RPTOR: variants seen among roughly 807,000 people sequenced by gnomAD.
RPTOR encodes regulatory-associated protein of mTOR.
Under a neutral mutation model 169.9 loss-of-function variants are expected in RPTOR, and 21 were observed. The observed-to-expected ratio is 0.12, with a 90% CI of 0.09 to 0.18. The LOEUF (loss-of-function observed/expected upper bound fraction) is 0.18, where lower values mean the gene tolerates loss of function less well. RPTOR is among the 10% of genes least tolerant of loss of function. RPTOR has a pLI of 1.00. For synonymous variants in RPTOR, 732 were observed against 753.2 expected, an observed-to-expected ratio of 0.97 and a Z score of 0.46; for missense variants, 1,133 against 1,855.9, an observed-to-expected ratio of 0.61 and a Z score of 7.16.
chr17:80,607,395 T>C (rs975118470), intron 1 of RPTOR, among the ~76,000 whole-genome samples: 1 of 152,188 alleles, frequency 6.6e-6, no homozygotes, highest in Non-Finnish European at 1.5e-5. Context: ...CATGTATCAA[T>C]CGTTTTCAGA....
rs540995815 is a variant in RPTOR, at chr17:80,743,520, C to G, written c.655-10490C>G. ...GCGCGTTCGGAGTGCTGGGCATTGC[C>G]AGGTCTGAAAGAGGTCATCAGTTCT... On this transcript the variant is annotated intron_variant, in intron 5 of 33. Transcript: ENST00000306801. The G allele has an allele frequency of 1.3e-5, 12 of 916,892 alleles. No individual in the cohort carries two copies. The African/African-American group carries it at 1.8e-4, about 14-fold the overall frequency. 56.8% of individuals were successfully genotyped at this position (916,892 alleles called of 1,614,324 possible).
Position 80,661,736 on chromosome 17 carries a change from G to A in RPTOR, c.348+17926G>A, listed in dbSNP as rs571486599. Among the ~76,000 whole-genome samples, 10 of 151,950 alleles carry A rather than the reference G, an allele frequency of 6.6e-5. No homozygotes were observed. The South Asian group carries it at 1.5e-3, about 22-fold the overall frequency. Reference sequence around the variant, plus strand: ...TTTCTTAGTGGGTTCTTAGGATGGCGCATGAGAGAGTTGCTCTTTATTGCC... The same window carrying A: ...TTTCTTAGTGGGTTCTTAGGATGGCACATGAGAGAGTTGCTCTTTATTGCC... On this transcript the variant is annotated intron_variant, in intron 3 of 33. Coordinates refer to ENST00000306801, the MANE Select transcript of RPTOR (RefSeq NM_020761.3).
At chr17:80,611,022 C>T (rs1238883348) in intron 1 of RPTOR, among the ~76,000 whole-genome samples, 2 of 152,144 alleles carry the variant, frequency 1.3e-5, no homozygotes, top group Non-Finnish European at 2.9e-5. Flanking sequence ...TAATTTCAAG[C>T]AATAGATTGC....
intron 28 of RPTOR, among the ~76,000 whole-genome samples, chr17:80,956,467 GT>G (rs771272100): frequency 1.1e-4 from 16 of 152,256 alleles, no homozygotes; most frequent in Non-Finnish European, 1.9e-4. Context: ...GACGCCAGCC[GT>G]CGGGAGTCAG....
chr17:80,674,907 T>C (rs959347892), intron 3 of RPTOR, among the ~76,000 whole-genome samples: 1 of 150,510 alleles, frequency 6.6e-6, no homozygotes. Context: ...TGATCAAATA[T>C]ACACTAAGAA....
intron 7 of RPTOR, among the ~76,000 whole-genome samples, chr17:80,816,356 C>T (rs917323136): frequency 6.6e-6 from 1 of 152,168 alleles, no homozygotes; most frequent in African/African-American, 2.4e-5. Context: ...CAGCTGAGGG[C>T]CTGGGGCCTC....
chr17:80,637,285 C>T (rs575823045), intron 2 of RPTOR, among the ~76,000 whole-genome samples: 1 of 152,346 alleles, frequency 6.6e-6, no homozygotes, highest in Admixed American at 6.5e-5. Context: ...TCATGGCCTC[C>T]CTGCTAGGTC....
chr17:80,830,431 A>T (rs1049401789), intron 9 of RPTOR, among the ~76,000 whole-genome samples: 7 of 152,206 alleles, frequency 4.6e-5, no homozygotes, highest in Non-Finnish European at 2.9e-5. Flanking sequence ...TATCGGAATG[A>T]CTTTAACGGT....
intron 1 of RPTOR, among the ~76,000 whole-genome samples, chr17:80,597,328 C>T (rs927650556): frequency 2.6e-5 from 4 of 152,084 alleles, no homozygotes; most frequent in African/African-American, 9.7e-5. Context: ...CCGAGCATGG[C>T]TTTTTCATGG....
chr17:80,851,646 C>T (rs1183733904), intron 11 of RPTOR, among the ~76,000 whole-genome samples: 1 of 152,262 alleles, frequency 6.6e-6, no homozygotes, highest in Admixed American at 6.5e-5. Context: ...GAGGCCCCCG[C>T]GTGTGTTTCA....
intron 7 of RPTOR, among the ~76,000 whole-genome samples, chr17:80,797,443 C>T (rs1222154203): frequency 3.9e-5 from 6 of 152,206 alleles, no homozygotes; most frequent in African/African-American, 9.7e-5. Flanking sequence ...CCGCTGTGCC[C>T]GGCCATGTCT....
At chr17:80,905,407 A>C (rs1413572865) in intron 20 of RPTOR, among the ~76,000 whole-genome samples, 2 of 150,756 alleles carry the variant, frequency 1.3e-5, no homozygotes, top group Non-Finnish European at 3.0e-5. Flanking sequence ...TAACACGGTG[A>C]AACCCGTCTC....
At chr17:80,934,417 G>A (rs945908895) in intron 24 of RPTOR, among the ~76,000 whole-genome samples, 5 of 152,208 alleles carry the variant, frequency 3.3e-5, no homozygotes, top group Admixed American at 6.5e-5. Context: ...GGGGTTCAGC[G>A]GTGTGATCAT....
intron 3 of RPTOR, among the ~76,000 whole-genome samples, chr17:80,703,067 T>G (rs2066114641): frequency 6.6e-6 from 1 of 152,146 alleles, no homozygotes. Flanking sequence ...GGGAGACAGA[T>G]GTGGAGATCA....
At chr17:80,949,647 G>A (rs1458719031) in intron 28 of RPTOR, 100 bp downstream of exon 28, 3 of 957,058 alleles carry the variant, frequency 3.1e-6, no homozygotes, top group Non-Finnish European at 5.0e-6. Context: ...TAAACAGGCT[G>A]CTCCACCTCA....
rs141612114 is a variant in RPTOR, at chr17:80,957,682, C to G, written c.3429C>G (p.Asp1143Glu). The G allele has an allele frequency of 6.2e-7, 1 of 1,614,138 alleles. No individual in the cohort carries two copies. Among genetic ancestry groups the G allele is most frequent in the South Asian group, 1.1e-5 (1 of 91,090 alleles). The change falls in exon 29 of 34, where the codon GAC becomes GAG. Residue 1143 changes from aspartate (D) to glutamate (E), a missense_variant. By Grantham distance (45) the Asp-to-Glu change is conservative. Coordinates refer to ENST00000306801, the MANE Select transcript of RPTOR (RefSeq NM_020761.3). The surrounding 1 kb of genome is among the most constrained non-coding windows in gnomAD (Gnocchi z 4.6). The stretch of plus-strand genomic sequence containing the variant: ...CCGGCCTCCTCATGAGCTCAGGAGA[C>G]GTGCGGATCGTCCGGATCTGGGACA... The part of the protein sequence containing the change: ...QETGLLMSSG[D>E]VRIVRIWDTD...
intron 1 of RPTOR, among the ~76,000 whole-genome samples, chr17:80,561,195 T>G (rs1343950589): frequency 2.1e-5 from 3 of 143,398 alleles, no homozygotes; most frequent in East Asian, 2.1e-4. Context: ...CTCAGCCTCC[T>G]GAGTAGCTAT....
At chr17:80,637,814 T>TAA (rs1212666487) in intron 2 of RPTOR, among the ~76,000 whole-genome samples, 1 of 152,252 alleles carries the variant, frequency 6.6e-6, no homozygotes, top group Non-Finnish European at 1.5e-5. Flanking sequence ...TTTCTCTTCT[T>TAA]AATGCAAACA....
chr17:80,931,248 C>T (rs954911513), intron 24 of RPTOR, among the ~76,000 whole-genome samples: 1 of 152,196 alleles, frequency 6.6e-6, no homozygotes, highest in Non-Finnish European at 1.5e-5. Flanking sequence ...TTTTCCTGAA[C>T]TCATCAGAGA....
Sources: allele counts gnomAD v4.1 joint callset (sites outside exome capture counted in the v4.1 genomes callset), GRCh38; gene constraint gnomAD v4.1.1; non-coding constraint Gnocchi (gnomAD v3.1); transcripts MANE v1.5; gene names NCBI Gene and HGNC (gene_info 2026-07-23, HGNC 2026-07-21).